TEX35: variants seen among roughly 807,000 people sequenced by gnomAD.
TEX35 encodes testis expressed 35.
A neutral mutation model predicts 31.9 loss-of-function variants in TEX35; 26 were observed. That is an observed-to-expected ratio of 0.81 (90% CI 0.60 to 1.13). The LOEUF is 1.13. TEX35 is among the 50% of genes most tolerant of loss of function. The pLI, the probability that TEX35 is intolerant of heterozygous loss-of-function variation, is 0.00. For missense variants in TEX35, 278 were observed against 273.5 expected, an observed-to-expected ratio of 1.02 and a Z score of -0.12; for synonymous variants, 87 against 90.7, an observed-to-expected ratio of 0.96 and a Z score of 0.23.
chr1:178,523,441 C>T (rs928313998), downstream of TEX35: 26 of 463,004 alleles, frequency 5.6e-5, no homozygotes, highest in South Asian at 8.4e-4. Context: ...CCCTTTTCTC[C>T]GGGTCAAGTT....
chr1:178,516,021 T>C, intron 4 of TEX35, 106 bp downstream of exon 4: 2 of 914,536 alleles, frequency 2.2e-6, no homozygotes, highest in Non-Finnish European at 3.5e-6. Flanking sequence ...CATGGAAAAA[T>C]GTAACTCAGT....
intron 8 of TEX35, 91 bp downstream of exon 8, chr1:178,521,355 CCCT>C: frequency 7.0e-7 from 1 of 1,436,798 alleles, no homozygotes; most frequent in Non-Finnish European, 9.8e-7. Flanking sequence ...CACATCACAC[CCCT>C]CCTGAGGTTG....
chr1:178,520,471 T>C (rs763026707), intron 6 of TEX35, 35 bp downstream of exon 6: 2 of 1,614,110 alleles, frequency 1.2e-6, no homozygotes, highest in South Asian at 2.2e-5. Flanking sequence ...TCCTCATCCC[T>C]AAAGGGTCTC....
Position 178,520,510 on chromosome 1 carries a change from G to T in TEX35, c.341+74G>T, listed in dbSNP as rs565309035. The T allele has an allele frequency of 1.5e-5, 24 of 1,612,858 alleles. No individual in the cohort carries two copies. The African/African-American group carries it at 2.5e-4, about 17-fold the overall frequency. ...CCTTCCCTTTGTTGGATCCCTTTGGGGTTCAGAGGACACCCAGACTCTTGG... is the reference window on the plus strand; with the variant it reads ...CCTTCCCTTTGTTGGATCCCTTTGGTGTTCAGAGGACACCCAGACTCTTGG... On this transcript the variant is annotated intron_variant, in intron 6 of 8. Coordinates refer to ENST00000319416, the MANE Select transcript of TEX35 (RefSeq NM_032126.5).
intron 8 of TEX35, chr1:178,522,119 A>T: frequency 2.7e-6 from 2 of 735,254 alleles, no homozygotes; most frequent in Non-Finnish European, 2.1e-6. Context: ...ATCAGCCTCC[A>T]CCTGTGCATG....
intron 3 of TEX35, 73 bp from the exon 4 acceptor site, chr1:178,515,786 T>G: frequency 8.3e-7 from 1 of 1,206,768 alleles, no homozygotes; most frequent in East Asian, 2.5e-5. Flanking sequence ...ATCTTTCCTT[T>G]CCTCCTGTTG....
chr1:178,513,955 T>TC, intron 1 of TEX35, 72 bp from the exon 2 acceptor site: 1 of 1,566,524 alleles, frequency 6.4e-7, no homozygotes, highest in Non-Finnish European at 8.7e-7. Flanking sequence ...AGGGTTCCCG[T>TC]GCAAGGGCCA....
downstream of TEX35, among the ~76,000 whole-genome samples, chr1:178,523,048 C>G (rs866409994): frequency 3.9e-5 from 6 of 152,100 alleles, no homozygotes; most frequent in Admixed American, 6.6e-5. Context: ...TGAGAACATG[C>G]GATGTTTGTC....
rs148354689 is a variant in TEX35 at position 178,521,103 on chromosome 1, C to T, written c.544-119C>T. On this transcript the variant is annotated intron_variant, in intron 7 of 8. Coordinates refer to ENST00000319416, the MANE Select transcript of TEX35 (RefSeq NM_032126.5). ...ACTTGACCCTGGATGGGCCTACCCG[C>T]CAGCTCCACCCTCTTATTCTGTCCT... 2.5e-6 allele frequency: 4 copies of T among 1,591,518 alleles called. No homozygotes were observed. In the African/African-American group the frequency reaches 4.0e-5, roughly 16 times the overall value.
chr1:178,514,233 T>C, intron 2 of TEX35, 156 bp downstream of exon 2: 1 of 1,546,568 alleles, frequency 6.5e-7, no homozygotes, highest in Non-Finnish European at 8.7e-7. Flanking sequence ...AACTTCACAC[T>C]GTAACCAATC....
chr1:178,521,263 G>T lies in TEX35; in HGVS notation c.585G>T (p.Arg195=). The T allele has an allele frequency of 6.2e-7, 1 of 1,614,216 alleles. No homozygotes were observed. Among genetic ancestry groups the T allele is most frequent in the Non-Finnish European group, 8.5e-7 (1 of 1,180,038 alleles). ...GTGCTCTAAAGAACAACTACAATCGGGGTAGGTAGATTCATACAAGATGTG... is the reference window on the plus strand; with the variant it reads ...GTGCTCTAAAGAACAACTACAATCGTGGTAGGTAGATTCATACAAGATGTG... The part of the protein sequence containing the change: ...LLCALKNNYN[R]GNIPSEASGL... Residue 195 remains arginine (R), a splice_region_variant and synonymous_variant, in exon 8 of 9, where the codon CGG becomes CGT. Transcript: ENST00000319416.
Position 178,514,084 on chromosome 1 carries a change from A to C in TEX35, c.90+7A>C, listed in dbSNP as rs1475255094. The C allele has an allele frequency of 6.2e-7, 1 of 1,614,226 alleles. No homozygotes were observed. The highest frequency in any genetic ancestry group is 8.5e-7 in the Non-Finnish European group (1 of 1,180,040). ...GAAGCCAGAGCCGACCAAAGTAAGA[A>C]GCCCTTTTGAGGCCATGCAGGCAGC... On this transcript the variant is annotated splice_region_variant and intron_variant, in intron 2 of 8. Transcript: ENST00000319416.
At chr1:178,521,003 C>T (rs954960833) in intron 7 of TEX35, 129 bp downstream of exon 7, 16 of 1,540,900 alleles carry the variant, frequency 1.0e-5, no homozygotes, top group Admixed American at 2.0e-5. Context: ...TTCTGGGTGC[C>T]GCCCGAGCCT....
intron 3 of TEX35, among the ~76,000 whole-genome samples, chr1:178,515,074 A>T (rs964921242): frequency 1.3e-5 from 2 of 152,162 alleles, no homozygotes; most frequent in African/African-American, 4.8e-5. Context: ...GGAACAGAAC[A>T]GTTCTTTTTC....
At chr1:178,521,664 C>A (rs1442943825) in intron 8 of TEX35, 3 of 1,552,122 alleles carry the variant, frequency 1.9e-6, no homozygotes, top group Admixed American at 3.9e-5. Context: ...TATGTGTTTC[C>A]AACCTAGCGC....
chr1:178,521,304 G>A (rs367935438), intron 8 of TEX35, 40 bp downstream of exon 8: 13 of 1,611,270 alleles, frequency 8.1e-6, no homozygotes, highest in African/African-American at 1.3e-5. Context: ...TCTCGATCAG[G>A]TGCCTTGTTG....
At chr1:178,514,203 G>A (rs1285625044) in intron 2 of TEX35, 126 bp downstream of exon 2, 1 of 1,578,238 alleles carries the variant, frequency 6.3e-7, no homozygotes, top group Non-Finnish European at 8.6e-7. Context: ...GGGATGCACT[G>A]AGAGTTCTTG....
At position 178,514,777 on chromosome 1, in the gene TEX35, G is replaced by A. The variant is rs371763285; in HGVS notation, c.159+9G>A. 6.5e-5 allele frequency: 104 copies of A among 1,612,068 alleles called. 1 individual carries two copies. The highest frequency in any genetic ancestry group is 6.4e-4 in the African/African-American group (48 of 75,020). On this transcript the variant is annotated intron_variant, in intron 3 of 8. Coordinates refer to ENST00000319416, the MANE Select transcript of TEX35 (RefSeq NM_032126.5). Reference sequence around the variant, plus strand: ...TGACACAGGACCTAAAGGTGAGTGCGTGAACTTGGAGGCATGTCTATATTC... The same window carrying A: ...TGACACAGGACCTAAAGGTGAGTGCATGAACTTGGAGGCATGTCTATATTC...
intron 2 of TEX35, 139 bp downstream of exon 2, chr1:178,514,216 C>T: frequency 6.4e-7 from 1 of 1,565,028 alleles, no homozygotes; most frequent in Non-Finnish European, 8.7e-7. Context: ...AGTTCTTGCT[C>T]TCATAGAACT....
Sources: allele counts gnomAD v4.1 joint callset (sites outside exome capture counted in the v4.1 genomes callset), GRCh38; gene constraint gnomAD v4.1.1; transcripts MANE v1.5; gene names NCBI Gene and HGNC (gene_info 2026-07-23, HGNC 2026-07-21).